ABCC11: variants seen among roughly 807,000 people sequenced by gnomAD.
ABCC11 encodes ATP binding cassette subfamily C member 11, also known as ATP-binding cassette sub-family C member 11.
Under a neutral mutation model 149.3 loss-of-function variants are expected in ABCC11, and 135 were observed. The ratio of observed to expected loss-of-function variants is 0.90; its 90% confidence interval spans 0.79 to 1.04. The LOEUF is 1.04. Ranked by LOEUF, ABCC11 falls within the 50% of genes least tolerant of loss-of-function variation. The pLI, the probability that ABCC11 is intolerant of heterozygous loss-of-function variation, is 0.00. For synonymous variants in ABCC11, 665 were observed against 671.4 expected, an observed-to-expected ratio of 0.99 and a Z score of 0.15; for missense variants, 1,680 against 1,722.1, an observed-to-expected ratio of 0.98 and a Z score of 0.43.
At position 48,238,689 on chromosome 16, in the gene ABCC11, G is replaced by C. The variant is rs189053955; in HGVS notation, c.-18-6750C>G. ...GCGGTGGCTCACGCCTGTAATCCCAGCACTTTGGGAGGCCAAGGCAGGTGG... is the reference window on the plus strand; with the variant it reads ...GCGGTGGCTCACGCCTGTAATCCCACCACTTTGGGAGGCCAAGGCAGGTGG... On this transcript the variant is annotated intron_variant, in intron 1 of 29. Coordinates refer to ENST00000356608, the MANE Select transcript of ABCC11 (RefSeq NM_001370497.1). Among the ~76,000 whole-genome samples, 229 of 152,128 alleles carry C rather than the reference G, an allele frequency of 1.5e-3. 1 individual carries two copies. The highest frequency in any genetic ancestry group is 5.3e-3 in the African/African-American group (218 of 41,520).
At chr16:48,178,742 C>G (rs1966250152) in intron 23 of ABCC11, 56 bp from the exon 24 acceptor site, 3 of 1,457,858 alleles carry the variant, frequency 2.1e-6, no homozygotes, top group South Asian at 1.1e-5. Flanking sequence ...TGCTCAGGCT[C>G]TTCAACGCTC....
chr16:48,229,633 T>C (rs1317497674), intron 3 of ABCC11, among the ~76,000 whole-genome samples: 1 of 150,888 alleles, frequency 6.6e-6, no homozygotes, highest in East Asian at 1.9e-4. Context: ...CCCGGCTAAT[T>C]TTTTGTATTT....
Position 48,231,898 on chromosome 16 carries a change from C to A in ABCC11, c.24G>T (p.Trp8Cys), listed in dbSNP as rs112960305. Residue 8 changes from tryptophan to cysteine, a missense_variant, in exon 2 of 30, where the codon TGG becomes TGT. By Grantham distance (215) the Trp-to-Cys change is radical. Transcript: ENST00000356608. MTRKRTY[W>C]VPNSSGGLVN... ...CGAGGCCACCAGAAGAGTTGGGCAC[C>A]CAGTATGTCCTCTTCCTAGTCATTT... 1.2e-3 allele frequency: 1,948 copies of A among 1,614,124 alleles called. 22 individuals carry two copies. The African/African-American group carries it at 0.022, about 19-fold the overall frequency.
chr16:48,215,516 T>C (rs1969271457), intron 7 of ABCC11, among the ~76,000 whole-genome samples, 172 bp from the exon 8 acceptor site: 1 of 152,154 alleles, frequency 6.6e-6, no homozygotes, highest in African/African-American at 2.4e-5. Context: ...GGCCTTTCTT[T>C]CCTGAGTCCC....
intron 12 of ABCC11, among the ~76,000 whole-genome samples, chr16:48,207,019 G>A (rs1468888489): frequency 1.3e-5 from 2 of 152,252 alleles, no homozygotes; most frequent in East Asian, 1.9e-4. Flanking sequence ...CATGCAGCAC[G>A]TGGCTGATGT....
chr16:48,203,149 C>A (rs1266179176), intron 14 of ABCC11, 79 bp downstream of exon 14: 1 of 1,418,042 alleles, frequency 7.1e-7, no homozygotes, highest in Non-Finnish European at 9.7e-7. Context: ...TGGGATTCCT[C>A]CCTTCCCTGC....
In ABCC11 at chr16:48,205,494, G is replaced by A. The variant is rs944451441; in HGVS notation, c.1724C>T (p.Ala575Val). 3 of 1,614,148 alleles carry A rather than the reference G, an allele frequency of 1.9e-6. No homozygotes were observed. The highest frequency in any genetic ancestry group is 1.7e-5 in the Admixed American group (1 of 60,028). The change falls in exon 13 of 30, where the codon GCC (alanine) becomes GTC (valine). Residue 575 changes from alanine (A) to valine (V), a missense_variant. By Grantham distance (64) the Ala-to-Val change is moderately conservative. Coordinates refer to ENST00000356608, the MANE Select transcript of ABCC11 (RefSeq NM_001370497.1). ...EGSVGVQGSLAYVPQQAWIVS... is the reference protein window; with the variant it reads ...EGSVGVQGSLVYVPQQAWIVS... ...GATCCAGGCCTGCTGGGGGACATAGGCCAGGCTTCCCTGCACCCCCACCGA... is the reference window on the plus strand; with the variant it reads ...GATCCAGGCCTGCTGGGGGACATAGACCAGGCTTCCCTGCACCCCCACCGA...
intron 25 of ABCC11, 140 bp downstream of exon 25, chr16:48,176,784 G>T: frequency 9.6e-7 from 1 of 1,037,364 alleles, no homozygotes; most frequent in Non-Finnish European, 1.3e-6. Flanking sequence ...ACCAGTGTTT[G>T]TCTAGCACAG....
At chr16:48,177,326 C>T (rs1361185842) in intron 24 of ABCC11, among the ~76,000 whole-genome samples, 1 of 152,228 alleles carries the variant, frequency 6.6e-6, no homozygotes, top group Non-Finnish European at 1.5e-5. Flanking sequence ...GAGAAACCTG[C>T]ATAGCTAATT....
At chr16:48,215,471 G>A in intron 7 of ABCC11, 127 bp from the exon 8 acceptor site, 1 of 1,122,816 alleles carries the variant, frequency 8.9e-7, no homozygotes, top group Non-Finnish European at 1.2e-6. Flanking sequence ...TCCAATCAAA[G>A]CTCTCCAGGC....
intron 2 of ABCC11, 74 bp downstream of exon 2, chr16:48,231,749 A>G: frequency 6.5e-7 from 1 of 1,550,318 alleles, no homozygotes; most frequent in Non-Finnish European, 8.7e-7. Context: ...AAATTGTTTG[A>G]CGTAATTTAT....
intron 13 of ABCC11, 41 bp from the exon 14 acceptor site, chr16:48,203,341 C>T (rs367724265): frequency 6.6e-7 from 1 of 1,510,780 alleles, no homozygotes; most frequent in Non-Finnish European, 9.0e-7. Context: ...GGGACCAGCC[C>T]TCCCGCCCAT....
At position 48,214,845 on chromosome 16, in the gene ABCC11, A is replaced by G. The variant is rs770374067; in HGVS notation, c.1248+36T>C. 16 of 1,612,046 alleles carry G rather than the reference A, an allele frequency of 9.9e-6. No homozygotes were observed. In the East Asian group the frequency reaches 3.3e-4, roughly 34 times the overall value. Reference sequence around the variant, plus strand: ...AGGACACGTGAGAAAATTCCCAATCATGATGGGGAGAAAACAAAGCCCCCC... The same window carrying G: ...AGGACACGTGAGAAAATTCCCAATCGTGATGGGGAGAAAACAAAGCCCCCC... On this transcript the variant is annotated intron_variant, in intron 9 of 29. Transcript: ENST00000356608.
Position 48,198,285 on chromosome 16 carries a change from C to T in ABCC11, c.2083-10G>A. ...CACAAAATTCTAAGTACTGGACAGT[C>T]AAAAGAAAGAAAGGCTTCAGTAAGC... On this transcript the variant is annotated splice_polypyrimidine_tract_variant and intron_variant, in intron 15 of 29. Transcript: ENST00000356608. 6.2e-7 allele frequency: 1 copy of T among 1,613,578 alleles called. No individual in the cohort carries two copies. Among genetic ancestry groups the T allele is most frequent in the African/African-American group, 1.3e-5 (1 of 74,992 alleles).
intron 9 of ABCC11, among the ~76,000 whole-genome samples, chr16:48,214,339 C>T (rs745698539): frequency 2.0e-4 from 30 of 152,090 alleles, no homozygotes; most frequent in Non-Finnish European, 2.6e-4. Context: ...CACACACAAC[C>T]CCTTGGCTGC....
At chr16:48,168,713 A>G (rs1345985679) in intron 28 of ABCC11, among the ~76,000 whole-genome samples, 1 of 152,186 alleles carries the variant, frequency 6.6e-6, no homozygotes, top group Non-Finnish European at 1.5e-5. Flanking sequence ...TGCAGCCATA[A>G]AAAAGAATGA....
chr16:48,213,538 G>C lies in ABCC11; in HGVS notation c.1261C>G (p.Leu421Val). Residue 421 changes from leucine to valine, a missense_variant, in exon 10 of 30, where the codon CTG (leucine) becomes GTG (valine). Coordinates refer to ENST00000356608, the MANE Select transcript of ABCC11 (RefSeq NM_001370497.1). The part of the protein sequence containing the change: ...KLTASMAFSM[L>V]ASLNLLRLSV... ...AGCCGAAGGAGATTCAAGGAGGCCA[G>C]CATGCTGAAGGCCTGGATAAGAAGG... The C allele has an allele frequency of 5.0e-6, 8 of 1,609,270 alleles. No individual in the cohort carries two copies. The highest frequency in any genetic ancestry group is 6.8e-6 in the Non-Finnish European group (8 of 1,177,926).
chr16:48,187,003 T>A lies in ABCC11; in HGVS notation c.3021A>T (p.Gln1007His). The change falls in exon 22 of 30, where the codon CAA (glutamine) becomes CAT (histidine). Residue 1007 changes from glutamine (Q) to histidine (H), a missense_variant. Coordinates refer to ENST00000356608, the MANE Select transcript of ABCC11 (RefSeq NM_001370497.1). Reference sequence around the variant, plus strand: ...CATAGACATGGATGGAGCTCAGGCCTTGCAGAGAATTGAGGATGTGGGAGA... The same window carrying A: ...CATAGACATGGATGGAGCTCAGGCCATGCAGAGAATTGAGGATGTGGGAGA... ...PLFSHILNSL[Q>H]GLSSIHVYGK... 6.2e-7 allele frequency: 1 copy of A among 1,614,168 alleles called. No homozygotes were observed. Among genetic ancestry groups the A allele is most frequent in the South Asian group, 1.1e-5 (1 of 91,084 alleles).
chr16:48,200,243 C>T (rs751928527), intron 15 of ABCC11, 33 bp downstream of exon 15: 2 of 1,599,190 alleles, frequency 1.3e-6, no homozygotes, highest in Non-Finnish European at 1.7e-6. Context: ...CGTTATCCGT[C>T]AATCACAGTC....
Sources: allele counts gnomAD v4.1 joint callset (sites outside exome capture counted in the v4.1 genomes callset), GRCh38; gene constraint gnomAD v4.1.1; transcripts MANE v1.5; gene names NCBI Gene and HGNC (gene_info 2026-07-23, HGNC 2026-07-21).